Variants in STARD3 observed in about 807,000 individuals in gnomAD.
STARD3 encodes the protein StAR related lipid transfer domain containing 3.
STARD3 carries 39 observed loss-of-function variants against 62.0 expected under a neutral mutation model. That is an observed-to-expected ratio of 0.63 (90% CI 0.49 to 0.82). STARD3 has a LOEUF of 0.82. STARD3 is among the 40% of genes least tolerant of loss of function. The probability of loss-of-function intolerance (pLI) is 0.00; values close to 1 mark genes in which losing one functional copy is unlikely to be tolerated. For synonymous variants in STARD3, 229 were observed against 242.4 expected (o/e 0.94, Z 0.51); for missense variants, 543 against 584.5 (o/e 0.93, Z 0.73).
intron 13 of STARD3, among the ~76,000 whole-genome samples, chr17:39,661,801 C>T (rs1359603718): frequency 1.3e-5 from 2 of 152,206 alleles, no homozygotes; most frequent in Non-Finnish European, 2.9e-5. Flanking sequence ...TAGGTGTGCT[C>T]AGTGGAGCTG....
At chr17:39,645,502 C>T (rs1021949351) in intron 1 of STARD3, among the ~76,000 whole-genome samples, 1 of 152,166 alleles carries the variant, frequency 6.6e-6, no homozygotes, top group Admixed American at 6.6e-5. Flanking sequence ...CAGAGTCTCA[C>T]TGTGTCACCC....
chr17:39,648,316 AATT>A (rs2144939949), intron 1 of STARD3, among the ~76,000 whole-genome samples: 1 of 151,860 alleles, frequency 6.6e-6, no homozygotes, highest in South Asian at 2.1e-4. Flanking sequence ...AAAAAATAAA[AATT>A]AGCTGAGCAT....
chr17:39,662,407 G>A lies in STARD3; in HGVS notation c.1233+63G>A, dbSNP rs755612396. 1.1e-5 allele frequency: 17 copies of A among 1,506,818 alleles called. No homozygotes were observed. In the African/African-American group the frequency reaches 2.2e-4, roughly 19 times the overall value. The allele number at this position is 1,506,818 out of a possible 1,614,324, so 93.3% of individuals were successfully genotyped here. A position where few individuals can be genotyped will look rare whatever the true frequency, so the allele number is the denominator to read the frequency against. On this transcript the variant is annotated intron_variant, in intron 14 of 14. Transcript: ENST00000336308. ...GTGGAGGGGACCCTGCTGCTGACTT[G>A]GTTGCTGCATGACTTTGGGGGCTCT...
Position 39,663,204 on chromosome 17 carries a change from G to A in STARD3, c.*296G>A, listed in dbSNP as rs1050293. ...ACCTTGCCAGGGCAGGGTCTGGGCT[G>A]GGCACCTGACTTGGCTGGGGAGGAC... is the stretch of plus-strand genomic sequence containing the variant. On this transcript the variant is annotated 3_prime_UTR_variant, in exon 15 of 15. Coordinates refer to ENST00000336308, the MANE Select transcript of STARD3 (RefSeq NM_006804.4). 0.047 allele frequency: 19,941 copies of A among 420,206 alleles called. 604 individuals are homozygous for A. The highest frequency in any genetic ancestry group is 0.068 in the African/African-American group (3,344 of 48,910). 26.0% of individuals were successfully genotyped at this position (420,206 alleles called of 1,614,324 possible). A position where few individuals can be genotyped will look rare whatever the true frequency, so the allele number is the denominator to read the frequency against.
rs1233568949 is a variant in STARD3, at chr17:39,658,456, C to T, written c.481C>T (p.Leu161Phe). The T allele has an allele frequency of 1.2e-6, 2 of 1,614,050 alleles. No homozygotes were observed. The highest frequency in any genetic ancestry group is 1.7e-6 in the Non-Finnish European group (2 of 1,180,016). ...GYLLPIVSFV[L>F]AWLETWFLDF... ...CCTGCTCCCCATCGTCTCTTTTGTC[C>T]TCGCCTGGTTGGAGACCTGGTTCCT... The change falls in exon 6 of 15, where the codon CTC becomes TTC. Residue 161 changes from leucine (L) to phenylalanine (F), a missense_variant. Transcript: ENST00000336308.
Position 39,659,872 on chromosome 17 carries a change from A to G in STARD3, c.795+319A>G, listed in dbSNP as rs147093052. 1,493 of 502,916 alleles carry G rather than the reference A, an allele frequency of 3.0e-3. 24 individuals are homozygous for G. In the Middle Eastern group the frequency reaches 0.049, roughly 17 times the overall value. The allele number at this position is 502,916 out of a possible 1,614,324, so 31.2% of individuals were successfully genotyped here. ...TCATGATCAAAACAACATTATCTAC[A>G]AAGATCGTAGAGAGCTTGGAAAACA... On this transcript the variant is annotated intron_variant, in intron 9 of 14. Transcript: ENST00000336308.
Position 39,663,922 on chromosome 17 carries a change from A to G in STARD3, c.*1014A>G, listed in dbSNP as rs2941511. 0.051 allele frequency among the ~76,000 whole-genome samples: 7,739 copies of G among 151,842 alleles called. 249 individuals carry two copies. The highest frequency in any genetic ancestry group is 0.068 in the African/African-American group (2,803 of 41,388). On this transcript the variant is annotated 3_prime_UTR_variant, in exon 15 of 15. Coordinates refer to ENST00000336308, the MANE Select transcript of STARD3 (RefSeq NM_006804.4). ...CCACTCACCCATTCCCTCTCCCCGC[A>G]CGGCACTCACACCAGGGGCGGCCTG...
intron 9 of STARD3, chr17:39,659,890 G>A: frequency 1.9e-6 from 1 of 521,406 alleles, no homozygotes; most frequent in Non-Finnish European, 3.4e-6. Flanking sequence ...TAGAGAGCTT[G>A]GAAAACAGAG....
At chr17:39,661,874 AGGTGTCCCCTCCTGAAGG>A (rs1241516713) in intron 13 of STARD3, among the ~76,000 whole-genome samples, 1 of 152,218 alleles carries the variant, frequency 6.6e-6, no homozygotes, top group African/African-American at 2.4e-5. Flanking sequence ...TCTCCTGAGC[AGGTGTCCCCTCCTGAAGG>A]GGAAGGGGTA....
chr17:39,658,828 C>G lies in STARD3; in HGVS notation c.646+8C>G. On this transcript the variant is annotated splice_region_variant and intron_variant, in intron 7 of 14. Transcript: ENST00000336308. ...CCCCAGAATCCTTTGCAGGTGAGGG[C>G]TGGTGTGTGGGGGAACTGCTTTCAG... The G allele has an allele frequency of 6.2e-7, 1 of 1,613,412 alleles. No individual in the cohort carries two copies.
At chr17:39,650,970 G>A (rs147377101) in intron 1 of STARD3, among the ~76,000 whole-genome samples, 16 of 152,348 alleles carry the variant, frequency 1.1e-4, no homozygotes, top group African/African-American at 2.2e-4. Flanking sequence ...CTGGAGCTGC[G>A]GCCTGTCACC....
intron 3 of STARD3, among the ~76,000 whole-genome samples, chr17:39,657,449 C>T (rs1399330416): frequency 6.6e-6 from 1 of 151,926 alleles, no homozygotes; most frequent in African/African-American, 2.4e-5. Context: ...ATCACTTGAA[C>T]CTGGGAGGCG....
chr17:39,657,458 C>T (rs897385635), intron 3 of STARD3, among the ~76,000 whole-genome samples: 3 of 151,024 alleles, frequency 2.0e-5, no homozygotes, highest in South Asian at 2.1e-4. Context: ...ACCTGGGAGG[C>T]GGAGGTTGCA....
Position 39,662,897 on chromosome 17 carries a change from G to GCGGCCC in STARD3, c.1328_1329insGGCCCC (p.Ala443_Arg444insAlaPro). On this transcript the variant is annotated inframe_insertion, in exon 15 of 15. Coordinates refer to ENST00000336308, the MANE Select transcript of STARD3 (RefSeq NM_006804.4). ...GCGACAGCGCATCAGCGAGCTGGGG[G>GCGGCCC]CCCGGGCGTGACTGTGCCCCCTCCC... 1 of 1,611,472 alleles carries GCGGCCC rather than the reference G, an allele frequency of 6.2e-7. No individual in the cohort carries two copies.
chr17:39,651,308 T>C (rs1369519032), intron 1 of STARD3, among the ~76,000 whole-genome samples: 1 of 152,192 alleles, frequency 6.6e-6, no homozygotes, highest in Non-Finnish European at 1.5e-5. Flanking sequence ...CTGCGCTTGT[T>C]TTGGACGTGG....
intron 9 of STARD3, 113 bp downstream of exon 9, chr17:39,659,666 C>T: frequency 8.6e-7 from 1 of 1,166,818 alleles, no homozygotes; most frequent in Non-Finnish European, 1.2e-6. Context: ...CATATTCCTG[C>T]CCCAAGAGAG....
At chr17:39,649,557 TAAGA>T (rs1225606229) in intron 1 of STARD3, among the ~76,000 whole-genome samples, 2 of 152,298 alleles carry the variant, frequency 1.3e-5, no homozygotes, top group South Asian at 2.1e-4. Context: ...ACTGTCCATG[TAAGA>T]AAGAAAGGAT....
In STARD3 at chr17:39,637,937, A is replaced by G. The variant is rs778452170; in HGVS notation, c.-52+706A>G. 6.6e-5 allele frequency among the ~76,000 whole-genome samples: 10 copies of G among 152,152 alleles called. 1 individual carries two copies. The South Asian group carries it at 1.0e-3, about 16-fold the overall frequency. On this transcript the variant is annotated intron_variant, in intron 1 of 14. Coordinates refer to ENST00000336308, the MANE Select transcript of STARD3 (RefSeq NM_006804.4). ...ACACCAACTAAATACCCAGATCCAC[A>G]TCTTCAGCGCAGCCCTTCCCTGGAG...
At chr17:39,653,048 C>T (rs1443696462) in intron 1 of STARD3, 1 of 178,104 alleles carries the variant, frequency 5.6e-6, no homozygotes, top group Non-Finnish European at 1.2e-5. Flanking sequence ...GGGAATGTGG[C>T]TTTGTGCTTG....
Sources: gnomAD v4.1 joint callset for allele counts (sites outside exome capture counted in the v4.1 genomes callset) on GRCh38, gnomAD v4.1.1 for gene constraint, MANE v1.5 for transcripts, NCBI Gene and HGNC (gene_info 2026-07-23, HGNC 2026-07-21) for gene names.